FAR1: variants seen among roughly 807,000 people sequenced by gnomAD.
The protein encoded by FAR1 is male sterility domain-containing protein 2.
Under a neutral mutation model 61.1 loss-of-function variants are expected in FAR1, and 22 were observed. That is an observed-to-expected ratio of 0.36 (90% CI 0.26 to 0.51). The LOEUF is 0.51. FAR1 is among the 20% of genes least tolerant of loss of function. The probability of loss-of-function intolerance (pLI) is 0.95; values close to 1 mark genes in which losing one functional copy is unlikely to be tolerated. For missense variants in FAR1, 359 were observed against 626.9 expected (o/e 0.57, Z 4.56); for synonymous variants, 206 against 209.7 (o/e 0.98, Z 0.15).
chr11:13,722,362 CCTT>C (rs1848618988), intron 10 of FAR1, among the ~76,000 whole-genome samples: 7 of 152,178 alleles, frequency 4.6e-5, no homozygotes, highest in South Asian at 4.2e-4. Flanking sequence ...TTTATAGCCT[CCTT>C]CTTAATAATA....
At chr11:13,684,548 G>A (rs1848165705) in intron 1 of FAR1, among the ~76,000 whole-genome samples, 1 of 152,200 alleles carries the variant, frequency 6.6e-6, no homozygotes, top group South Asian at 2.1e-4. Context: ...ACCCAAACAG[G>A]TAAGCAAGCT....
At chr11:13,715,000 A>G (rs1464035283) in intron 9 of FAR1, among the ~76,000 whole-genome samples, 2 of 152,182 alleles carry the variant, frequency 1.3e-5, no homozygotes, top group Non-Finnish European at 2.9e-5. Flanking sequence ...CATTCCTTCA[A>G]GATGAATCCT....
At chr11:13,728,582 G>A (rs1388770179) in intron 11 of FAR1, 30 bp from the exon 12 acceptor site, 5 of 1,596,876 alleles carry the variant, frequency 3.1e-6, no homozygotes, top group Non-Finnish European at 4.3e-6. Context: ...AGAAAATACT[G>A]TCTAACATAT....
At chr11:13,710,961 G>A in intron 5 of FAR1, 91 bp downstream of exon 5, 1 of 1,136,982 alleles carries the variant, frequency 8.8e-7, no homozygotes, top group Non-Finnish European at 1.3e-6. Context: ...TTTAAGAACA[G>A]GTATTATTTA....
At chr11:13,675,740 C>T (rs1848060835) in intron 1 of FAR1, among the ~76,000 whole-genome samples, 1 of 152,086 alleles carries the variant, frequency 6.6e-6, no homozygotes. Context: ...GTGTGTTTAA[C>T]TTAAATGTTA....
At chr11:13,685,736 A>T (rs531570844) in intron 1 of FAR1, 1 of 152,408 alleles carries the variant, frequency 6.6e-6, no homozygotes, top group Non-Finnish European at 1.5e-5. Flanking sequence ...TAAAATTTCT[A>T]TACTGAGTTG....
At position 13,710,727 on chromosome 11, in the gene FAR1, C is replaced by G; in HGVS notation, c.580C>G (p.Pro194Ala). 6.2e-7 allele frequency: 1 copy of G among 1,601,044 alleles called. No homozygotes were observed. ...MDDGLVNDIT[P>A]KLIGDRPNTY... ...TGATGGCCTAGTAAATGATATCACGCCAAAATTGATAGGAGACAGACCTAA... is the reference window on the plus strand; with the variant it reads ...TGATGGCCTAGTAAATGATATCACGGCAAAATTGATAGGAGACAGACCTAA... Residue 194 changes from proline to alanine, a missense_variant, in exon 5 of 12, where the codon CCA becomes GCA. Transcript: ENST00000354817.
At chr11:13,679,908 CTTTAGA>C (rs1848107206) in intron 1 of FAR1, among the ~76,000 whole-genome samples, 1 of 152,088 alleles carries the variant, frequency 6.6e-6, no homozygotes, top group Non-Finnish European at 1.5e-5. Context: ...TAATGAACGT[CTTTAGA>C]TTCCTTACTA....
intron 1 of FAR1, among the ~76,000 whole-genome samples, chr11:13,682,649 C>T (rs1238520361): frequency 1.3e-5 from 2 of 152,170 alleles, no homozygotes; most frequent in African/African-American, 2.4e-5. Context: ...CACTCTGTCA[C>T]CCAGGCTGGA....
intron 1 of FAR1, among the ~76,000 whole-genome samples, chr11:13,672,819 G>C (rs748687980): frequency 1.3e-5 from 2 of 152,204 alleles, no homozygotes; most frequent in Non-Finnish European, 2.9e-5. Flanking sequence ...AACCCACCCT[G>C]AATGGTGGAG....
chr11:13,679,884 A>G (rs563196279), intron 1 of FAR1, among the ~76,000 whole-genome samples: 5 of 152,316 alleles, frequency 3.3e-5, no homozygotes, highest in African/African-American at 1.2e-4. Context: ...ACAGTTGTAT[A>G]GTGGCCTAAG....
At chr11:13,691,050 A>G (rs1262765149) in intron 1 of FAR1, among the ~76,000 whole-genome samples, 2 of 152,198 alleles carry the variant, frequency 1.3e-5, no homozygotes, top group African/African-American at 4.8e-5. Context: ...AGACTGGGTA[A>G]TCTATAAAGA....
chr11:13,711,719 A>G (rs1848500375), intron 5 of FAR1, 45 bp from the exon 6 acceptor site: 1 of 1,369,196 alleles, frequency 7.3e-7, no homozygotes, highest in East Asian at 2.3e-5. Context: ...CTCTAGCTTC[A>G]TAATGTTTCT....
chr11:13,671,757 G>A (rs759739419), intron 1 of FAR1, among the ~76,000 whole-genome samples: 4 of 152,132 alleles, frequency 2.6e-5, no homozygotes, highest in Non-Finnish European at 4.4e-5. Context: ...CAGCTAGGAG[G>A]GGACAGGTCA....
chr11:13,680,678 G>A (rs1848117648), intron 1 of FAR1, among the ~76,000 whole-genome samples: 1 of 152,042 alleles, frequency 6.6e-6, no homozygotes, highest in African/African-American at 2.4e-5. Context: ...TTGTGGCTGA[G>A]AACTGAGCCA....
chr11:13,724,186 A>G (rs1848644204), intron 10 of FAR1, among the ~76,000 whole-genome samples: 1 of 152,146 alleles, frequency 6.6e-6, no homozygotes, highest in African/African-American at 2.4e-5. Flanking sequence ...GCTGGCATTT[A>G]TAAGCCAGGG....
chr11:13,707,637 G>T (rs182890573), intron 3 of FAR1, among the ~76,000 whole-genome samples: 2 of 152,202 alleles, frequency 1.3e-5, no homozygotes, highest in African/African-American at 4.8e-5. Context: ...TTATCTGTTT[G>T]TTCCTGGACA....
Position 13,721,614 on chromosome 11 carries a change from G to A in FAR1, c.1128-116G>A. On this transcript the variant is annotated intron_variant, in intron 9 of 11. Transcript: ENST00000354817. The surrounding 1 kb of genome is among the most constrained non-coding windows in gnomAD (Gnocchi z 4.2). ...GATTTGGTACACTTAATGATTAAAT[G>A]TTATAATTTTAATACTAATGTCTAT... 1 of 708,066 alleles carries A rather than the reference G, an allele frequency of 1.4e-6. No homozygotes were observed. Among genetic ancestry groups the A allele is most frequent in the South Asian group, 2.0e-5 (1 of 51,060 alleles). The allele number at this position is 708,066 out of a possible 1,614,324, so 43.9% of individuals were successfully genotyped here.
chr11:13,683,696 A>T (rs557213240), intron 1 of FAR1, among the ~76,000 whole-genome samples: 1 of 152,110 alleles, frequency 6.6e-6, no homozygotes, highest in East Asian at 1.9e-4. Flanking sequence ...GTAGGTTTTG[A>T]CTTTGAATTT....
Sources: gnomAD v4.1 joint callset for allele counts (sites outside exome capture counted in the v4.1 genomes callset) on GRCh38, gnomAD v4.1.1 for gene constraint, Gnocchi (gnomAD v3.1) non-coding constraint, MANE v1.5 for transcripts, NCBI Gene and HGNC (gene_info 2026-07-23, HGNC 2026-07-21) for gene names.